DMD: variants seen among roughly 807,000 people sequenced by gnomAD.
DMD encodes the protein dystrophin.
Under a neutral mutation model 330.1 loss-of-function variants are expected in DMD, and 63 were observed. The observed-to-expected ratio is 0.19, with a 90% CI of 0.16 to 0.24. The LOEUF is 0.24. Ranked by LOEUF, DMD falls within the 10% of genes least tolerant of loss-of-function variation. The pLI is 1.00. For missense variants in DMD, 3,344 were observed against 2,684.1 expected (o/e 1.25, Z -5.43); for synonymous variants, 1,223 against 959.8 (o/e 1.27, Z -5.07).
At chrX:31,669,122 C>A (rs905842766) in intron 53 of DMD, among the ~76,000 whole-genome samples, 2 of 111,672 alleles carry the variant, frequency 1.8e-5, no homozygotes, top group Admixed American at 9.5e-5. Context: ...TGGATATATA[C>A]CCGGAAGTGG....
At chrX:32,323,020 T>C (rs1413119689) in intron 41 of DMD, among the ~76,000 whole-genome samples, 1 of 112,284 alleles carries the variant, frequency 8.9e-6, no homozygotes, top group Non-Finnish European at 1.9e-5. Context: ...TATCCATGGG[T>C]TCCACATTTG....
chrX:32,921,561 A>C (rs1158722524), intron 2 of DMD, among the ~76,000 whole-genome samples: 1 of 111,667 alleles, frequency 9.0e-6, no homozygotes, highest in African/African-American at 3.3e-5. Context: ...GACTATGCGC[A>C]TGTATGTACA....
intron 37 of DMD, among the ~76,000 whole-genome samples, chrX:32,360,777 T>C (rs1313119275): frequency 1.1e-5 from 1 of 93,312 alleles, no homozygotes; most frequent in East Asian, 3.3e-4. Context: ...ACAGAGAGAG[T>C]CTCCACCACA....
chrX:31,455,448 A>C (rs1322590965), intron 59 of DMD, among the ~76,000 whole-genome samples: 1 of 111,823 alleles, frequency 8.9e-6, no homozygotes, highest in African/African-American at 3.2e-5. Context: ...CCCTCAATAC[A>C]TTTTTATTAA....
intron 21 of DMD, among the ~76,000 whole-genome samples, chrX:32,479,016 G>C (rs2041535304): frequency 9.0e-6 from 1 of 111,380 alleles, no homozygotes; most frequent in Non-Finnish European, 1.9e-5. Context: ...CTTTGTGTAA[G>C]TATAAACTAC....
chrX:32,792,576 C>A (rs2075899520), intron 7 of DMD, among the ~76,000 whole-genome samples: 2 of 111,774 alleles, frequency 1.8e-5, no homozygotes, highest in Admixed American at 9.5e-5. Flanking sequence ...AAAATAAACT[C>A]ATTTCACCTG....
chrX:32,410,824 G>C (rs1174089671), intron 30 of DMD, among the ~76,000 whole-genome samples: 14 of 112,204 alleles, frequency 1.2e-4, no homozygotes, highest in Non-Finnish European at 2.6e-4. Context: ...TGTAAATTTA[G>C]TTATGGCCTA....
At chrX:32,432,206 C>G (rs1230937854) in intron 29 of DMD, among the ~76,000 whole-genome samples, 1 of 111,433 alleles carries the variant, frequency 9.0e-6, no homozygotes, top group East Asian at 2.8e-4. Flanking sequence ...ATTCTCTCTG[C>G]CCATTATCTT....
intron 2 of DMD, among the ~76,000 whole-genome samples, chrX:32,877,263 C>T (rs1275029141): frequency 8.9e-6 from 1 of 112,176 alleles, no homozygotes; most frequent in Non-Finnish European, 1.9e-5. Context: ...GATCCCTTGT[C>T]CAAGAGCCCT....
intron 1 of DMD, among the ~76,000 whole-genome samples, chrX:33,100,490 G>C (rs1373157352): frequency 2.7e-5 from 3 of 111,000 alleles, no homozygotes; most frequent in African/African-American, 9.8e-5. Context: ...CCAGGAGTTC[G>C]AGACCAGCCT....
At chrX:32,874,006 G>A (rs970707924) in intron 2 of DMD, among the ~76,000 whole-genome samples, 4 of 111,799 alleles carry the variant, frequency 3.6e-5, no homozygotes, top group Non-Finnish European at 5.6e-5. Context: ...GTGAGGTCTA[G>A]GATAGCGCCT....
chrX:32,214,082 A>T (rs886893270), intron 44 of DMD, among the ~76,000 whole-genome samples: 2 of 111,807 alleles, frequency 1.8e-5, no homozygotes, highest in Admixed American at 9.5e-5. Context: ...TGAAAATTTT[A>T]AATTATGATA....
chrX:31,406,750 G>A (rs770708882), intron 60 of DMD, among the ~76,000 whole-genome samples: 3 of 111,184 alleles, frequency 2.7e-5, no homozygotes, highest in Non-Finnish European at 5.7e-5. Context: ...ATTAGAATTG[G>A]ATCTGTCCAA....
chrX:31,207,423 A>T (rs370655507), intron 65 of DMD, among the ~76,000 whole-genome samples: 12 of 111,713 alleles, frequency 1.1e-4, no homozygotes, highest in African/African-American at 3.6e-4. Flanking sequence ...CATGGGGGAA[A>T]AAAAGGAAAA....
intron 22 of DMD, among the ~76,000 whole-genome samples, chrX:32,471,833 A>C (rs897913684): frequency 3.6e-5 from 4 of 112,103 alleles, no homozygotes; most frequent in African/African-American, 9.7e-5. Flanking sequence ...GACAGGAGTT[A>C]CAAATAAAGA....
chrX:31,411,839 G>T (rs7884804), intron 60 of DMD, among the ~76,000 whole-genome samples: 1,211 of 108,762 alleles, frequency 0.011, 25 homozygotes, highest in African/African-American at 0.038. Flanking sequence ...TCGTCATGTT[G>T]GCCGGACTGG....
intron 43 of DMD, among the ~76,000 whole-genome samples, chrX:32,272,883 G>A (rs769285162): frequency 9.0e-6 from 1 of 111,228 alleles, no homozygotes; most frequent in African/African-American, 3.3e-5. Flanking sequence ...GTTTTATAGT[G>A]GTTAGTCAGT....
Position 32,799,692 on chromosome X carries a change from T to C in DMD, c.649+9801A>G, listed in dbSNP as rs757028909. On this transcript the variant is annotated intron_variant, in intron 7 of 78. Coordinates refer to ENST00000357033, the MANE Select transcript of DMD (RefSeq NM_004006.3). ...CACGACCAACGCATGTAGAATGTAC[T>C]GTCTTACAGAGAAATCATAACGGGA... 2.7e-5 allele frequency among the ~76,000 whole-genome samples: 3 copies of C among 109,594 alleles called. No individual in the cohort carries two copies. The East Asian group carries it at 8.7e-4, about 32-fold the overall frequency.
chrX:32,824,332 T>G (rs2078518246), intron 4 of DMD, among the ~76,000 whole-genome samples: 1 of 112,040 alleles, frequency 8.9e-6, no homozygotes, highest in South Asian at 3.7e-4. Context: ...TTATTTGTAA[T>G]AGCCCCAAAC....
Sources: gnomAD v4.1 joint callset for allele counts (sites outside exome capture counted in the v4.1 genomes callset) on GRCh38, gnomAD v4.1.1 for gene constraint, MANE v1.5 for transcripts, NCBI Gene and HGNC (gene_info 2026-07-23, HGNC 2026-07-21) for gene names.